Variants in CENPP observed in about 807,000 individuals in gnomAD.
CENPP encodes the protein centromere protein P.
A neutral mutation model predicts 35.6 loss-of-function variants in CENPP; 24 were observed. That is an observed-to-expected ratio of 0.67 (90% CI 0.49 to 0.95). CENPP has a LOEUF of 0.95. Ranked by LOEUF, CENPP falls within the 40% of genes least tolerant of loss-of-function variation. The pLI, the probability that CENPP is intolerant of heterozygous loss-of-function variation, is 0.00. For missense variants in CENPP, 332 were observed against 345.3 expected (o/e 0.96, Z 0.31); for synonymous variants, 120 against 125.5 (o/e 0.96, Z 0.29).
intron 4 of CENPP, among the ~76,000 whole-genome samples, chr9:92,372,369 T>C (rs145609749): frequency 4.2e-4 from 64 of 152,234 alleles, no homozygotes; most frequent in African/African-American, 1.5e-3. Flanking sequence ...AGTTTATTAT[T>C]GATATATGAG....
chr9:92,475,736 G>A (rs892568169), intron 5 of CENPP, among the ~76,000 whole-genome samples: 14 of 151,992 alleles, frequency 9.2e-5, no homozygotes, highest in Non-Finnish European at 1.9e-4. Flanking sequence ...TCCACAATTG[G>A]TATCTTTTTC....
chr9:92,436,603 G>A (rs1248353462), intron 5 of CENPP, among the ~76,000 whole-genome samples: 2 of 151,886 alleles, frequency 1.3e-5, no homozygotes, highest in African/African-American at 4.8e-5. Flanking sequence ...TTTTGCTTAT[G>A]GCTATTCAAT....
chr9:92,514,658 G>T, intron 5 of CENPP: 1 of 1,596,494 alleles, frequency 6.3e-7, no homozygotes, highest in Non-Finnish European at 8.6e-7. Context: ...GTTATCTGTG[G>T]TGCTGTCAGC....
chr9:92,465,902 G>C (rs1350057804), intron 5 of CENPP, among the ~76,000 whole-genome samples: 1 of 150,104 alleles, frequency 6.7e-6, no homozygotes, highest in Non-Finnish European at 1.5e-5. Flanking sequence ...GCGCAATCTC[G>C]GCTCACTGCA....
chr9:92,444,236 C>T (rs1588133568), intron 5 of CENPP, among the ~76,000 whole-genome samples: 1 of 152,228 alleles, frequency 6.6e-6, no homozygotes, highest in Admixed American at 6.5e-5. Context: ...AGATGCCTCA[C>T]TGTGGTGTGA....
chr9:92,495,582 A>G, intron 5 of CENPP: 2 of 979,048 alleles, frequency 2.0e-6, no homozygotes, highest in Non-Finnish European at 2.4e-6. Context: ...GGAATAGTGA[A>G]GGTAATCTTA....
intron 5 of CENPP, among the ~76,000 whole-genome samples, chr9:92,444,445 T>G (rs1046522729): frequency 2.6e-5 from 4 of 152,166 alleles, no homozygotes; most frequent in African/African-American, 9.6e-5. Flanking sequence ...TATGAGCTTT[T>G]TTTTTTTTAC....
intron 5 of CENPP, among the ~76,000 whole-genome samples, chr9:92,386,971 C>T (rs778182261): frequency 2.1e-4 from 32 of 150,732 alleles, no homozygotes; most frequent in Middle Eastern, 3.4e-3. Context: ...TGCTGTGAAC[C>T]CAGGAGGCAG....
intron 5 of CENPP, chr9:92,457,482 T>C: frequency 6.3e-7 from 1 of 1,599,674 alleles, no homozygotes; most frequent in Non-Finnish European, 8.6e-7. Flanking sequence ...TGAAGGAAGA[T>C]TATCTGTTGT....
chr9:92,557,814 TG>T (rs1354626754), intron 5 of CENPP, among the ~76,000 whole-genome samples: 1 of 152,082 alleles, frequency 6.6e-6, no homozygotes, highest in Non-Finnish European at 1.5e-5. Flanking sequence ...GACTAATTTT[TG>T]TATTTTTTTA....
chr9:92,597,604 CTA>C (rs1316952903), intron 5 of CENPP, among the ~76,000 whole-genome samples: 1 of 152,132 alleles, frequency 6.6e-6, no homozygotes, highest in South Asian at 2.1e-4. Context: ...GGAATTATCT[CTA>C]AAGAGTTTCT....
intron 5 of CENPP, among the ~76,000 whole-genome samples, chr9:92,502,347 C>A (rs1311961973): frequency 3.3e-5 from 5 of 152,140 alleles, no homozygotes; most frequent in Non-Finnish European, 5.9e-5. Context: ...CATGAAGTAG[C>A]CCACTTTGGG....
At chr9:92,500,662 G>C in intron 5 of CENPP, 1 of 1,462,410 alleles carries the variant, frequency 6.8e-7, no homozygotes, top group South Asian at 1.3e-5. Flanking sequence ...ATCATGTCAT[G>C]GTTGTTTTAT....
chr9:92,529,557 C>T (rs1848621924), intron 5 of CENPP, among the ~76,000 whole-genome samples: 1 of 152,090 alleles, frequency 6.6e-6, no homozygotes, highest in South Asian at 2.1e-4. Context: ...AAGCAACCAA[C>T]ATGTTCTTCA....
intron 5 of CENPP, among the ~76,000 whole-genome samples, chr9:92,428,310 T>C (rs1402069740): frequency 2.0e-5 from 3 of 152,166 alleles, no homozygotes; most frequent in Non-Finnish European, 4.4e-5. Flanking sequence ...CCTTCTCAAG[T>C]GTGGCCGGAG....
intron 5 of CENPP, among the ~76,000 whole-genome samples, chr9:92,471,340 G>A (rs144466034): frequency 0.036 from 5,453 of 151,936 alleles, 136 homozygotes; most frequent in Middle Eastern, 0.075. Flanking sequence ...GGGATTACAG[G>A]TGTGTGCCAC....
intron 5 of CENPP, among the ~76,000 whole-genome samples, chr9:92,426,666 T>C (rs927604005): frequency 1.2e-4 from 18 of 152,172 alleles, no homozygotes; most frequent in Non-Finnish European, 2.6e-4. Context: ...ATTAAGTTAC[T>C]GTATGGCAGA....
At chr9:92,464,852 T>C (rs1845246780) in intron 5 of CENPP, 1 of 1,142,526 alleles carries the variant, frequency 8.8e-7, no homozygotes, top group Non-Finnish European at 1.3e-6. Context: ...TTTACAATAT[T>C]AGATTGAATC....
At position 92,593,916 on chromosome 9, in the gene CENPP, A is replaced by G. The variant is rs1429997388; in HGVS notation, c.565-17398A>G. On this transcript the variant is annotated intron_variant, in intron 5 of 7. Coordinates refer to ENST00000375587, the MANE Select transcript of CENPP (RefSeq NM_001012267.3). This position sits in a 1 kb window ranked among gnomAD's most constrained non-coding sequence, Gnocchi z 4.1. ...TTTGCTACCTTTCTCACGAATCTCAAAGGTAATATGATATCCTGGATGGGA... is the reference window on the plus strand; with the variant it reads ...TTTGCTACCTTTCTCACGAATCTCAGAGGTAATATGATATCCTGGATGGGA... Among the ~76,000 whole-genome samples the G allele has an allele frequency of 6.6e-6, 1 of 152,200 alleles. No homozygotes were observed. The highest frequency in any genetic ancestry group is 1.5e-5 in the Non-Finnish European group (1 of 68,034).
Sources: allele counts gnomAD v4.1 joint callset (sites outside exome capture counted in the v4.1 genomes callset), GRCh38; gene constraint gnomAD v4.1.1; non-coding constraint Gnocchi (gnomAD v3.1); transcripts MANE v1.5; gene names NCBI Gene and HGNC (gene_info 2026-07-23, HGNC 2026-07-21).